The following IGSF22 variants were observed in gnomAD, a reference collection of about 807,000 sequenced individuals.
IGSF22 encodes the protein immunoglobulin superfamily, member 22.
In IGSF22, 119 loss-of-function variants were observed where a neutral mutation model predicts 127.0. The ratio of observed to expected loss-of-function variants is 0.94; its 90% CI spans 0.81 to 1.09. The LOEUF is 1.09. IGSF22 is among the 50% of genes least tolerant of loss of function. IGSF22 has a pLI of 0.00. For synonymous variants in IGSF22, 568 were observed against 664.7 expected (o/e 0.85, Z 2.24); for missense variants, 1,518 against 1,716.6 (o/e 0.88, Z 2.04).
rs1367808387 is a variant in IGSF22, at chr11:18,708,269, G to C, written c.3025C>G (p.Arg1009Gly). Residue 1009 changes from arginine to glycine, a missense_variant, in exon 19 of 23, where the codon CGG becomes GGG. Arg to Gly is a moderately radical substitution (Grantham distance 125). Around this residue, in one of 3 missense-constraint regions of IGSF22, gnomAD observed 1,456 missense variants for 1,644.9 expected, o/e 0.89. Coordinates refer to ENST00000513874, the MANE Select transcript of IGSF22 (RefSeq NM_173588.4). ...CGAACCACCATGTGACTCTTCAGCC[G>C]GGCACTGAGGTCAAACTTGGGTGCA... ...PAAPKFDLSA[R>G]LKSHMVVRAG... 6.5e-7 allele frequency: 1 copy of C among 1,548,380 alleles called. No homozygotes were observed. The highest frequency in any genetic ancestry group is 8.7e-7 in the Non-Finnish European group (1 of 1,145,562).
intron 7 of IGSF22, 68 bp from the exon 8 acceptor site, chr11:18,718,796 A>G: frequency 1.1e-6 from 1 of 893,990 alleles, no homozygotes; most frequent in South Asian, 1.5e-5. Flanking sequence ...CTGTGTCCTC[A>G]ATCCTGGAGA....
chr11:18,708,327 G>A, intron 18 of IGSF22, 32 bp from the exon 19 acceptor site: 1 of 1,484,018 alleles, frequency 6.7e-7, no homozygotes, highest in Non-Finnish European at 9.0e-7. Flanking sequence ...TGGAGGCATG[G>A]ATCTGTCTTT....
At chr11:18,718,583 G>A in intron 8 of IGSF22, 32 bp downstream of exon 8, 2 of 1,221,586 alleles carry the variant, frequency 1.6e-6, no homozygotes, top group Non-Finnish European at 2.4e-6. Flanking sequence ...AAGAGATATT[G>A]CCAAGGTGGA....
At chr11:18,708,893 C>A (rs1359215176) in intron 18 of IGSF22, among the ~76,000 whole-genome samples, 1 of 152,166 alleles carries the variant, frequency 6.6e-6, no homozygotes, top group Admixed American at 6.5e-5. Context: ...TATTGTAGAG[C>A]CTAAGATTGG....
At chr11:18,719,520 G>A (rs1315366899) in intron 7 of IGSF22, among the ~76,000 whole-genome samples, 196 bp downstream of exon 7, 1 of 152,190 alleles carries the variant, frequency 6.6e-6, no homozygotes, top group Non-Finnish European at 1.5e-5. Flanking sequence ...ATGCAAGTAT[G>A]TTTGGGAGTG....
Position 18,716,958 on chromosome 11 carries a change from A to G in IGSF22, c.1016T>C (p.Val339Ala). 1 of 1,614,012 alleles carries G rather than the reference A, an allele frequency of 6.2e-7. No individual in the cohort carries two copies. Among genetic ancestry groups the G allele is most frequent in the Non-Finnish European group, 8.5e-7 (1 of 1,179,992 alleles). ...AAACACAGCTGTCTGGCGCTCTGTC[A>G]CCTTCACAGGCTTCATCTCTCCCAG... Reference protein sequence around the residue: ...KFLGEMKPVKVTERQTAVFEI... With the variant: ...KFLGEMKPVKATERQTAVFEI... The change falls in exon 10 of 23, where the codon GTG (valine) becomes GCG (alanine). Residue 339 changes from valine (V) to alanine (A), a missense_variant. Coordinates refer to ENST00000513874, the MANE Select transcript of IGSF22 (RefSeq NM_173588.4). This position sits in a 1 kb window ranked among gnomAD's most constrained non-coding sequence, Gnocchi z 4.5.
Position 18,713,895 on chromosome 11 carries a change from A to G in IGSF22, c.2052T>C (p.Asn684=), listed in dbSNP as rs1398824871. The change falls in exon 14 of 23, where the codon AAT becomes AAC. Residue 684 remains asparagine (N), a synonymous_variant. Coordinates refer to ENST00000513874, the MANE Select transcript of IGSF22 (RefSeq NM_173588.4). ...GAGTGGCCGTGGCTGAGCCGTGGTC[A>G]TTCTTGAGCTTGAGCAGGATGAGGC... The part of the protein sequence containing the change: ...DSGLILLKLK[N]DHGSATATLH... 4 of 1,614,116 alleles carry G rather than the reference A, an allele frequency of 2.5e-6. No homozygotes were observed. Among genetic ancestry groups the G allele is most frequent in the Non-Finnish European group, 3.4e-6 (4 of 1,180,056 alleles).
Position 18,720,245 on chromosome 11 carries a change from C to A in IGSF22, c.419G>T (p.Cys140Phe), listed in dbSNP as rs1848546346. 6.2e-7 allele frequency: 1 copy of A among 1,614,140 alleles called. No individual in the cohort carries two copies. Among genetic ancestry groups the A allele is most frequent in the Non-Finnish European group, 8.5e-7 (1 of 1,180,006 alleles). ...LTSDDSDNYK[C>F]IASNDHADAI... ...ATCTGCATGGTCATTGCTTGCAATGCACTTATAGTTGTCAGAGTCATCCGA... is the reference window on the plus strand; with the variant it reads ...ATCTGCATGGTCATTGCTTGCAATGAACTTATAGTTGTCAGAGTCATCCGA... Residue 140 changes from cysteine (C) to phenylalanine (F), a missense_variant, in exon 5 of 23, where the codon TGC (cysteine) becomes TTC (phenylalanine). Physicochemically the swap from Cys to Phe is radical, Grantham distance 205. Coordinates refer to ENST00000513874, the MANE Select transcript of IGSF22 (RefSeq NM_173588.4).
chr11:18,709,554 G>A lies in IGSF22; in HGVS notation c.2831C>T (p.Thr944Ile). 1 of 1,614,216 alleles carries A rather than the reference G, an allele frequency of 6.2e-7. No individual in the cohort carries two copies. The change falls in exon 18 of 23, where the codon ACA (threonine) becomes ATA (isoleucine). Residue 944 changes from threonine (T) to isoleucine (I), a missense_variant. Coordinates refer to ENST00000513874, the MANE Select transcript of IGSF22 (RefSeq NM_173588.4). This position sits in a 1 kb window ranked among gnomAD's most constrained non-coding sequence, Gnocchi z 4.8. ...GYILEMRAEDTKEWSKCTKIP... is the reference protein window; with the variant it reads ...GYILEMRAEDIKEWSKCTKIP... ...CTTTGTGCACTTGGACCACTCCTTT[G>A]TGTCTTCAGCCCTCATCTCAAGGAT...
Position 18,719,817 on chromosome 11 carries a change from G to A in IGSF22, c.595C>T (p.Pro199Ser). The change falls in exon 7 of 23, where the codon CCC becomes TCC. Residue 199 changes from proline to serine, a missense_variant. This residue lies in a region of IGSF22 where 1,456 missense variants were observed against 1,644.9 expected (regional missense o/e 0.89). Coordinates refer to ENST00000513874, the MANE Select transcript of IGSF22 (RefSeq NM_173588.4). ...CACACCTTCTCAAAGTCTTTCTTGG[G>A]CACTTTGGACAAAATCTCCAGCATC... ...KEMLEILSKV[P>S]KKDFEKVCME... 2 of 1,614,142 alleles carry A rather than the reference G, an allele frequency of 1.2e-6. No individual in the cohort carries two copies. The highest frequency in any genetic ancestry group is 1.1e-5 in the South Asian group (1 of 91,082).
chr11:18,706,112 C>T lies in IGSF22; in HGVS notation c.3615G>A (p.Glu1205=), dbSNP rs766082697. The T allele has an allele frequency of 5.8e-6, 9 of 1,545,320 alleles. No homozygotes were observed. Among genetic ancestry groups the T allele is most frequent in the Non-Finnish European group, 7.0e-6 (8 of 1,146,780 alleles). The part of the protein sequence containing the change: ...QDLSAKLKPY[E]KKDWRHAPRF... ...GCGGCGCGTGGCGCCAGTCCTTCTT[C>T]TCGTAGGGCTTGAGCTTGGCGCTCA... is the stretch of plus-strand genomic sequence containing the variant. Residue 1205 remains glutamate, a synonymous_variant, in exon 22 of 23, where the codon GAG becomes GAA. Coordinates refer to ENST00000513874, the MANE Select transcript of IGSF22 (RefSeq NM_173588.4).
At chr11:18,715,319 T>C in intron 11 of IGSF22, 113 bp downstream of exon 11, 1 of 1,089,804 alleles carries the variant, frequency 9.2e-7, no homozygotes, top group Non-Finnish European at 1.3e-6. Context: ...CACAAGTTGG[T>C]CATGGTCTAC....
rs1191299841 is a variant in IGSF22 at position 18,721,529 on chromosome 11, C to T, written c.378+6G>A. ...CGGTAACTGGACTTGGGCTTGGCCCCCGCACCTTCAGCACGTGTTCCTTGT... is the reference window on the plus strand; with the variant it reads ...CGGTAACTGGACTTGGGCTTGGCCCTCGCACCTTCAGCACGTGTTCCTTGT... On this transcript the variant is annotated splice_donor_region_variant and intron_variant, in intron 4 of 22. Coordinates refer to ENST00000513874, the MANE Select transcript of IGSF22 (RefSeq NM_173588.4). The T allele has an allele frequency of 2.5e-6, 4 of 1,614,230 alleles. No individual in the cohort carries two copies. Among genetic ancestry groups the T allele is most frequent in the Non-Finnish European group, 3.4e-6 (4 of 1,180,040 alleles).
intron 2 of IGSF22, among the ~76,000 whole-genome samples, chr11:18,723,044 C>T (rs1295504818): frequency 6.6e-6 from 1 of 152,222 alleles, no homozygotes; most frequent in Non-Finnish European, 1.5e-5. Flanking sequence ...CATATGGCAA[C>T]AGTCAGTGGG....
At position 18,720,048 on chromosome 11, in the gene IGSF22, G is replaced by A. The variant is rs1390134292; in HGVS notation, c.518+16C>T. 1.2e-6 allele frequency: 2 copies of A among 1,613,740 alleles called. No individual in the cohort carries two copies. The highest frequency in any genetic ancestry group is 1.1e-5 in the South Asian group (1 of 91,064). On this transcript the variant is annotated intron_variant, in intron 6 of 22. Transcript: ENST00000513874. The stretch of plus-strand genomic sequence containing the variant: ...GAGGAGACAATATCTTGGGCAGAAG[G>A]ACCTGCCAGCCTCACCTCTTCTTCA...
At chr11:18,705,659 G>T in intron 22 of IGSF22, 158 bp downstream of exon 22, 1 of 638,992 alleles carries the variant, frequency 1.6e-6, no homozygotes, top group Non-Finnish European at 2.7e-6. Flanking sequence ...CGAAAGGATG[G>T]GAGAGTGGTA....
intron 2 of IGSF22, 88 bp from the exon 3 acceptor site, chr11:18,722,129 G>C: frequency 6.6e-7 from 1 of 1,509,536 alleles, no homozygotes; most frequent in Non-Finnish European, 9.1e-7. Flanking sequence ...GAGGACGGTG[G>C]AGCATGGGAA....
In IGSF22 at chr11:18,709,602, TC is replaced by T. The variant is rs779115132; in HGVS notation, c.2782del (p.Glu928ArgfsTer12). 1.2e-6 allele frequency: 2 copies of T among 1,614,196 alleles called. No homozygotes were observed. On this transcript the variant is annotated frameshift_variant, in exon 18 of 23. Transcript: ENST00000513874. LOFTEE classifies it high-confidence loss of function. The surrounding 1 kb of genome is among the most constrained non-coding windows in gnomAD (Gnocchi z 4.8). ...GATGTAGCCAGAGGGTGGGTCTCCC[TC>T]TGCAGGCTCCCGCCAGGCCAGGGAA... ...SISLAWREPA[E>X]GDPPSGYILE...
Position 18,719,796 on chromosome 11 carries a change from C to A in IGSF22, c.616G>T (p.Val206Leu). 6.2e-7 allele frequency: 1 copy of A among 1,614,182 alleles called. No homozygotes were observed. Among genetic ancestry groups the A allele is most frequent in the Non-Finnish European group, 8.5e-7 (1 of 1,180,036 alleles). ...TCGGTGAAACCATACTCCATGCACA[C>A]CTTCTCAAAGTCTTTCTTGGGCACT... is the stretch of plus-strand genomic sequence containing the variant. ...SKVPKKDFEK[V>L]CMEYGFTDFR... is the part of the protein sequence containing the mutation. The change falls in exon 7 of 23, where the codon GTG becomes TTG. Residue 206 changes from valine (V) to leucine (L), a missense_variant. Val to Leu is a conservative substitution (Grantham distance 32, BLOSUM62 1). Coordinates refer to ENST00000513874, the MANE Select transcript of IGSF22 (RefSeq NM_173588.4).
Sources: gnomAD v4.1 joint callset for allele counts (sites outside exome capture counted in the v4.1 genomes callset) on GRCh38, gnomAD v4.1.1 for gene constraint, gnomAD v4.1.1 regional missense constraint, Gnocchi (gnomAD v3.1) non-coding constraint, MANE v1.5 for transcripts, NCBI Gene and HGNC (gene_info 2026-07-23, HGNC 2026-07-21) for gene names.